The following GLIS3 variants were observed in gnomAD, a reference collection of about 807,000 sequenced individuals.
GLIS3 encodes the protein zinc finger protein GLIS3.
GLIS3 carries 53 observed loss-of-function variants against 78.6 expected under a neutral mutation model. That is an observed-to-expected ratio of 0.67 (90% confidence interval 0.54 to 0.85). The LOEUF (loss-of-function observed/expected upper bound fraction) is 0.85, where lower values mean the gene tolerates loss of function less well. Among genes scored for constraint, GLIS3 ranks in the 40% least tolerant of loss-of-function variants. The probability of loss-of-function intolerance (pLI) is 0.00; values close to 1 mark genes in which losing one functional copy is unlikely to be tolerated. For synonymous variants in GLIS3, 684 were observed against 509.9 expected, an observed-to-expected ratio of 1.34 and a Z score of -4.60; for missense variants, 1,703 against 1,231.1, an observed-to-expected ratio of 1.38 and a Z score of -5.74.
chr9:4,120,506 C>T (rs532924449), intron 3 of GLIS3, among the ~76,000 whole-genome samples: 1 of 152,310 alleles, frequency 6.6e-6, no homozygotes, highest in East Asian at 1.9e-4. Context: ...CAATTATTTT[C>T]CCAGCACACT....
the GLIS3 span, among the ~76,000 whole-genome samples, chr9:4,421,264 C>T: frequency 1.3e-5 from 2 of 152,186 alleles, no homozygotes; most frequent in Non-Finnish European, 2.9e-5. Flanking sequence ...TCTCGTCCCA[C>T]AGGACAGGAA....
intron 2 of GLIS3, among the ~76,000 whole-genome samples, chr9:4,177,844 T>C (rs576670262): frequency 3.8e-4 from 58 of 152,320 alleles, no homozygotes; most frequent in Non-Finnish European, 6.0e-4. Context: ...GACAGAAAGA[T>C]AGTATTCACA....
intron 6 of GLIS3, among the ~76,000 whole-genome samples, chr9:3,921,684 C>G (rs1824899476): frequency 6.6e-6 from 1 of 151,948 alleles, no homozygotes; most frequent in East Asian, 1.9e-4. Flanking sequence ...CACAGCAAAT[C>G]AAGTTTCACA....
rs772295271 is a variant in GLIS3 at position 4,118,450 on chromosome 9, G to A, written c.1028C>T (p.Pro343Leu). The A allele has an allele frequency of 4.3e-6, 7 of 1,613,184 alleles. No homozygotes were observed. The South Asian group carries it at 5.5e-5, about 13-fold the overall frequency. Residue 343 changes from proline (P) to leucine (L), a missense_variant, in exon 4 of 11, where the codon CCG (proline) becomes CTG (leucine). Physicochemically the swap from Pro to Leu is moderately conservative, Grantham distance 98 (BLOSUM62 -3). Transcript: ENST00000381971. This position sits in a 1 kb window ranked among gnomAD's most constrained non-coding sequence, Gnocchi z 4.7. ...GSRASPANLSPQPEVYGHFLG... is the reference protein window; with the variant it reads ...GSRASPANLSLQPEVYGHFLG... ...GAAATGCCCGTAGACCTCCGGCTGC[G>A]GGGACAGGTTGGCCGGCGAAGCCCT...
At chr9:4,456,605 T>A in the GLIS3 span, among the ~76,000 whole-genome samples, 1 of 152,230 alleles carries the variant, frequency 6.6e-6, no homozygotes, top group South Asian at 2.1e-4. Flanking sequence ...AGGCCTAGCT[T>A]TCAGCCTCTC....
chr9:4,451,830 T>C, the GLIS3 span, among the ~76,000 whole-genome samples: 2 of 151,858 alleles, frequency 1.3e-5, no homozygotes, highest in African/African-American at 4.9e-5. Context: ...CCAGAATCTC[T>C]GGGACACATT....
chr9:4,385,196 TC>T, the GLIS3 span, among the ~76,000 whole-genome samples: 4 of 152,210 alleles, frequency 2.6e-5, no homozygotes, highest in African/African-American at 9.6e-5. Context: ...GTTTCTGCAT[TC>T]CCTTCGATTT....
rs1408259824 is a variant in GLIS3 at position 3,951,880 on chromosome 9, A to ACGCACG, written c.1711-14692_1711-14691insCGTGCG. Among the ~76,000 whole-genome samples, 3 of 150,218 alleles carry ACGCACG rather than the reference A, an allele frequency of 2.0e-5. No homozygotes were observed. The East Asian group carries it at 5.8e-4, about 29-fold the overall frequency. On this transcript the variant is annotated intron_variant, in intron 4 of 10. Transcript: ENST00000381971. Reference sequence around the variant, plus strand: ...CACACACACACACACACACACACACACACACGCACGCACACACCCACTGGC... The same window carrying ACGCACG: ...CACACACACACACACACACACACACACGCACGCACACGCACGCACACACCCACTGGC...
At chr9:3,960,068 C>T (rs1272357193) in intron 4 of GLIS3, among the ~76,000 whole-genome samples, 1 of 152,072 alleles carries the variant, frequency 6.6e-6, no homozygotes, top group Non-Finnish European at 1.5e-5. Context: ...ACCGAGGAGG[C>T]GGAGGTTGCA....
At chr9:4,333,732 G>C (rs1817716057) in intron 2 of GLIS3, among the ~76,000 whole-genome samples, 1 of 148,196 alleles carries the variant, frequency 6.7e-6, no homozygotes, top group African/African-American at 2.6e-5. Flanking sequence ...GAAGCAATGT[G>C]ATGCCCCCCC....
intron 2 of GLIS3, among the ~76,000 whole-genome samples, chr9:4,313,400 T>C (rs1399996776): frequency 6.6e-6 from 1 of 152,160 alleles, no homozygotes; most frequent in African/African-American, 2.4e-5. Context: ...GCTTTCTGGA[T>C]GTTTCTGGCA....
At chr9:4,022,897 T>A (rs569427604) in intron 4 of GLIS3, among the ~76,000 whole-genome samples, 1 of 152,268 alleles carries the variant, frequency 6.6e-6, no homozygotes, top group Admixed American at 6.5e-5. Flanking sequence ...GATCAGCGGC[T>A]GTCTGGGGCC....
the GLIS3 span, among the ~76,000 whole-genome samples, chr9:4,449,443 G>C: frequency 6.6e-6 from 1 of 152,216 alleles, no homozygotes; most frequent in Non-Finnish European, 1.5e-5. Context: ...AAACATCCCT[G>C]TCTGACATCT....
At chr9:3,969,369 A>G (rs1818203827) in intron 4 of GLIS3, among the ~76,000 whole-genome samples, 1 of 152,216 alleles carries the variant, frequency 6.6e-6, no homozygotes, top group Non-Finnish European at 1.5e-5. Context: ...CGTTCCCTAC[A>G]CCTCACAGGA....
chr9:3,857,481 A>G (rs767441744), intron 8 of GLIS3, among the ~76,000 whole-genome samples: 1 of 152,244 alleles, frequency 6.6e-6, no homozygotes, highest in Admixed American at 6.5e-5. Context: ...GTAAGAAAGC[A>G]TGGGACAAAA....
intron 2 of GLIS3, among the ~76,000 whole-genome samples, chr9:4,343,686 G>A (rs772150362): frequency 1.8e-4 from 27 of 152,282 alleles, no homozygotes; most frequent in East Asian, 1.2e-3. Flanking sequence ...ACGGTGGACC[G>A]GATAAAGAAA....
chr9:4,297,793 C>T (rs1816685131), intron 1 of GLIS3, among the ~76,000 whole-genome samples: 1 of 152,210 alleles, frequency 6.6e-6, no homozygotes, highest in South Asian at 2.1e-4. Context: ...GAGACCACTC[C>T]TGCCAAGAGG....
At chr9:4,338,051 T>TGG (rs1321081131) in intron 2 of GLIS3, among the ~76,000 whole-genome samples, 2 of 145,776 alleles carry the variant, frequency 1.4e-5, no homozygotes, top group South Asian at 2.2e-4. Flanking sequence ...TGTGTGTGTG[T>TGG]GTGTGTGTGT....
intron 4 of GLIS3, among the ~76,000 whole-genome samples, chr9:4,117,096 C>T (rs1165738328): frequency 6.6e-6 from 1 of 152,184 alleles, no homozygotes; most frequent in Non-Finnish European, 1.5e-5. Context: ...CCACTTCCCT[C>T]AGCACCAAAG....
Sources: allele counts gnomAD v4.1 joint callset (sites outside exome capture counted in the v4.1 genomes callset), GRCh38; gene constraint gnomAD v4.1.1; non-coding constraint Gnocchi (gnomAD v3.1); transcripts MANE v1.5; gene names NCBI Gene and HGNC (gene_info 2026-07-23, HGNC 2026-07-21).